The following CALN1 variants were observed in gnomAD, a reference collection of about 807,000 sequenced individuals.
CALN1 encodes the protein calneuron 1.
In CALN1, 17 loss-of-function variants were observed where a neutral mutation model predicts 30.6. The ratio of observed to expected loss-of-function variants is 0.56; its 90% CI spans 0.38 to 0.83. The LOEUF (loss-of-function observed/expected upper bound fraction) is 0.83. CALN1 is among the 40% of genes least tolerant of loss of function. The probability of loss-of-function intolerance (pLI) is 0.00; values close to 1 mark genes in which losing one functional copy is unlikely to be tolerated. For synonymous variants in CALN1, 156 were observed against 131.4 expected (o/e 1.19, Z -1.28); for missense variants, 291 against 354.9 (o/e 0.82, Z 1.45).
intron 3 of CALN1, among the ~76,000 whole-genome samples, chr7:72,219,338 A>G (rs540436404): frequency 1.7e-4 from 26 of 152,156 alleles, no homozygotes; most frequent in Non-Finnish European, 2.1e-4. Context: ...TGATCCTCCA[A>G]CTTCAGCCTA....
chr7:71,924,077 C>G (rs1795126733), intron 5 of CALN1, among the ~76,000 whole-genome samples: 1 of 151,976 alleles, frequency 6.6e-6, no homozygotes, highest in African/African-American at 2.4e-5. Context: ...CCTGTAATCC[C>G]AGCTACTCGC....
At chr7:72,273,578 G>C (rs531299804) in intron 3 of CALN1, among the ~76,000 whole-genome samples, 29 of 144,342 alleles carry the variant, frequency 2.0e-4, no homozygotes, top group Non-Finnish European at 3.9e-4. Flanking sequence ...AAGTGCAGTA[G>C]TACAATCATA....
intron 1 of CALN1, among the ~76,000 whole-genome samples, chr7:72,420,508 G>A (rs1807569524): frequency 6.6e-6 from 1 of 151,786 alleles, no homozygotes. Context: ...CATTCACCTG[G>A]GCACCTGTTT....
chr7:72,345,577 G>C (rs1366132366), intron 2 of CALN1, among the ~76,000 whole-genome samples: 1 of 150,542 alleles, frequency 6.6e-6, no homozygotes, highest in Non-Finnish European at 1.5e-5. Flanking sequence ...GGGAGGGAAG[G>C]GAAGGAAAGG....
At chr7:72,069,813 C>T (rs1804267871) in intron 4 of CALN1, among the ~76,000 whole-genome samples, 1 of 152,140 alleles carries the variant, frequency 6.6e-6, no homozygotes, top group South Asian at 2.1e-4. Flanking sequence ...TCTTGAGATA[C>T]TAGGATTCTA....
intron 3 of CALN1, among the ~76,000 whole-genome samples, chr7:72,257,499 C>T (rs1795992453): frequency 6.6e-6 from 1 of 152,156 alleles, no homozygotes; most frequent in Non-Finnish European, 1.5e-5. Context: ...GGGAACACTT[C>T]CAACGCTGCT....
intron 4 of CALN1, among the ~76,000 whole-genome samples, chr7:72,054,151 T>C (rs1009941736): frequency 6.6e-6 from 1 of 151,942 alleles, no homozygotes; most frequent in Non-Finnish European, 1.5e-5. Context: ...TTCCTCTGGG[T>C]AGATACCCAG....
chr7:71,940,372 C>T (rs1303974629), intron 5 of CALN1, among the ~76,000 whole-genome samples: 1 of 152,164 alleles, frequency 6.6e-6, no homozygotes, highest in Non-Finnish European at 1.5e-5. Flanking sequence ...GTAGACTCAT[C>T]CCAGTGAGTA....
rs142137625 is a variant in CALN1 at position 72,250,800 on chromosome 7, C to T, written c.244+27886G>A. Among the ~76,000 whole-genome samples the T allele has an allele frequency of 4.6e-3, 704 of 152,258 alleles. 5 individuals are homozygous for T. Among genetic ancestry groups the T allele is most frequent in the African/African-American group, 0.016 (679 of 41,554 alleles). On this transcript the variant is annotated intron_variant, in intron 3 of 6. Transcript: ENST00000395275. The stretch of plus-strand genomic sequence containing the variant: ...CCCTGAGGCCTCACCAGAAGTCCAG[C>T]AGATGCAGGCACCACGCTCGTATAG...
intron 3 of CALN1, among the ~76,000 whole-genome samples, chr7:72,266,201 G>A (rs529168879): frequency 6.6e-6 from 1 of 152,018 alleles, no homozygotes; most frequent in South Asian, 2.1e-4. Flanking sequence ...TCTAGTATGA[G>A]CACCTCTTTC....
chr7:72,038,446 G>A (rs868441078), intron 4 of CALN1, among the ~76,000 whole-genome samples: 12 of 151,644 alleles, frequency 7.9e-5, no homozygotes, highest in Admixed American at 2.6e-4. Context: ...TGTGATCACA[G>A]CTCACTGTAA....
chr7:72,047,523 A>G (rs1802548897), intron 4 of CALN1, among the ~76,000 whole-genome samples: 1 of 152,196 alleles, frequency 6.6e-6, no homozygotes, highest in Non-Finnish European at 1.5e-5. Context: ...CAGGACTTAG[A>G]GACTGCACTG....
intron 3 of CALN1, among the ~76,000 whole-genome samples, chr7:72,245,336 G>A (rs1795088306): frequency 6.6e-6 from 1 of 152,120 alleles, no homozygotes; most frequent in African/African-American, 2.4e-5. Flanking sequence ...GTGTAAAGTG[G>A]GCCTGGGCAC....
chr7:72,046,890 C>T (rs771895541), intron 4 of CALN1, among the ~76,000 whole-genome samples: 6 of 151,860 alleles, frequency 4.0e-5, no homozygotes, highest in African/African-American at 9.7e-5. Context: ...CTAGCAAAAC[C>T]CTGTCTCTAC....
At chr7:72,392,999 TA>T (rs748122625) in intron 2 of CALN1, among the ~76,000 whole-genome samples, 18 of 149,606 alleles carry the variant, frequency 1.2e-4, no homozygotes, top group East Asian at 3.9e-4. Flanking sequence ...CTCTGTCACT[TA>T]AAAAAAAAAT....
At chr7:72,477,057 A>T in the CALN1 span, among the ~76,000 whole-genome samples, 1 of 152,204 alleles carries the variant, frequency 6.6e-6, no homozygotes, top group Non-Finnish European at 1.5e-5. Flanking sequence ...CTAAAAATAC[A>T]AAAACTAGCT....
intron 5 of CALN1, among the ~76,000 whole-genome samples, chr7:71,873,741 T>C (rs954914228): frequency 3.9e-5 from 6 of 152,350 alleles, no homozygotes; most frequent in African/African-American, 1.4e-4. Context: ...ACTGCAGAGT[T>C]TGAGACCCAC....
At chr7:72,489,144 A>G in the CALN1 span, among the ~76,000 whole-genome samples, 1 of 152,162 alleles carries the variant, frequency 6.6e-6, no homozygotes, top group Non-Finnish European at 1.5e-5. Flanking sequence ...AACAGAAGTG[A>G]AGCTTTTCCC....
At chr7:72,351,155 T>A (rs79749894) in intron 2 of CALN1, among the ~76,000 whole-genome samples, 1 of 152,040 alleles carries the variant, frequency 6.6e-6, no homozygotes, top group Non-Finnish European at 1.5e-5. Flanking sequence ...AATAAATAAA[T>A]TTTTTAATTT....
Sources: gnomAD v4.1 joint callset for allele counts (sites outside exome capture counted in the v4.1 genomes callset) on GRCh38, gnomAD v4.1.1 for gene constraint, MANE v1.5 for transcripts, NCBI Gene and HGNC (gene_info 2026-07-23, HGNC 2026-07-21) for gene names.